Variants in CNIH3 observed in about 807,000 individuals in gnomAD.
CNIH3 encodes the protein protein cornichon homolog 3.
CNIH3 carries 14 observed loss-of-function variants against 24.1 expected under a neutral mutation model. The ratio of observed to expected loss-of-function variants is 0.58; its 90% CI spans 0.38 to 0.91. The LOEUF is 0.91. CNIH3 is among the 40% of genes least tolerant of loss of function. The probability of loss-of-function intolerance (pLI) is 0.00; values close to 1 mark genes in which losing one functional copy is unlikely to be tolerated. For missense variants in CNIH3, 178 were observed against 196.8 expected (o/e 0.90, Z 0.57); for synonymous variants, 68 against 73.8 (o/e 0.92, Z 0.40).
intron 1 of CNIH3, among the ~76,000 whole-genome samples, chr1:224,660,437 G>C (rs1685295192): frequency 6.6e-6 from 1 of 152,122 alleles, no homozygotes; most frequent in Non-Finnish European, 1.5e-5. Context: ...AACCGTGTCA[G>C]ATAACTTCTG....
intron 3 of CNIH3, among the ~76,000 whole-genome samples, chr1:224,728,789 A>G (rs1450873867): frequency 6.6e-6 from 1 of 152,230 alleles, no homozygotes; most frequent in Non-Finnish European, 1.5e-5. Flanking sequence ...TGCATATCTA[A>G]TGCCAGCCAG....
At chr1:224,626,549 T>C (rs1683535646) in intron 1 of CNIH3, among the ~76,000 whole-genome samples, 1 of 152,190 alleles carries the variant, frequency 6.6e-6, no homozygotes. Flanking sequence ...CCACCACCAT[T>C]TCTGTGTGCA....
At chr1:224,689,875 T>C (rs1686845869) in intron 3 of CNIH3, among the ~76,000 whole-genome samples, 1 of 152,194 alleles carries the variant, frequency 6.6e-6, no homozygotes, top group Non-Finnish European at 1.5e-5. Context: ...AAGAGCCAGT[T>C]GCCTCTTGAG....
At chr1:224,550,538 G>A (rs1679873230) in intron 3 of CNIH3, among the ~76,000 whole-genome samples, 1 of 152,178 alleles carries the variant, frequency 6.6e-6, no homozygotes, top group Admixed American at 6.5e-5. Context: ...ATATCACAGT[G>A]TGTAAACACA....
intron 1 of CNIH3, among the ~76,000 whole-genome samples, chr1:224,674,052 G>T (rs537107404): frequency 6.6e-6 from 1 of 152,290 alleles, no homozygotes; most frequent in East Asian, 1.9e-4. Context: ...GAGTTCTTAT[G>T]CAGATCAAGT....
chr1:224,611,542 G>C (rs1682699071), upstream of CNIH3: 1 of 152,180 alleles, frequency 6.6e-6, no homozygotes, highest in African/African-American at 2.4e-5. Flanking sequence ...TTAATGCGTT[G>C]ATTTCCTCCT....
At chr1:224,438,657 C>G (rs1445666419) in intron 1 of CNIH3, among the ~76,000 whole-genome samples, 1 of 152,114 alleles carries the variant, frequency 6.6e-6, no homozygotes, top group Admixed American at 6.5e-5. Flanking sequence ...CTTTGGAACA[C>G]TAAAATTGTC....
intron 1 of CNIH3, among the ~76,000 whole-genome samples, chr1:224,656,626 A>G (rs1248304824): frequency 6.6e-6 from 1 of 152,120 alleles, no homozygotes; most frequent in Non-Finnish European, 1.5e-5. Context: ...TACCCAATCT[A>G]TGCAGGCTAA....
chr1:224,676,956 C>T (rs4360496), intron 1 of CNIH3, among the ~76,000 whole-genome samples: 7,189 of 152,254 alleles, frequency 0.047, 237 homozygotes, highest in East Asian at 0.15. Context: ...TGAATGTCTT[C>T]CGACTCCTTA....
chr1:224,712,839 A>G (rs971544545), intron 3 of CNIH3, among the ~76,000 whole-genome samples: 1 of 152,180 alleles, frequency 6.6e-6, no homozygotes, highest in African/African-American at 2.4e-5. Flanking sequence ...CTCTCTGATG[A>G]TCAACTGGGT....
intron 3 of CNIH3, among the ~76,000 whole-genome samples, chr1:224,557,933 A>G (rs1321731029): frequency 6.6e-6 from 1 of 152,220 alleles, no homozygotes; most frequent in East Asian, 1.9e-4. Context: ...TCCCCATTTT[A>G]CAGATAAAGG....
At chr1:224,476,652 A>G (rs1234987141) in intron 1 of CNIH3, among the ~76,000 whole-genome samples, 1 of 152,196 alleles carries the variant, frequency 6.6e-6, no homozygotes, top group Admixed American at 6.5e-5. Context: ...GAAACTGAAG[A>G]AGACACCAAA....
intron 3 of CNIH3, among the ~76,000 whole-genome samples, chr1:224,713,397 T>TTCA (rs1479199689): frequency 6.6e-6 from 1 of 152,210 alleles, no homozygotes; most frequent in African/African-American, 2.4e-5. Context: ...GTGCACATGA[T>TTCA]GTGTGCAGGT....
intron 4 of CNIH3, among the ~76,000 whole-genome samples, chr1:224,582,812 A>G (rs1681334348): frequency 6.6e-6 from 1 of 152,206 alleles, no homozygotes; most frequent in Non-Finnish European, 1.5e-5. Context: ...CCATGTATCT[A>G]AATTGCTCTT....
At chr1:224,621,194 A>G (rs988461858) in intron 1 of CNIH3, among the ~76,000 whole-genome samples, 2 of 152,224 alleles carry the variant, frequency 1.3e-5, no homozygotes, top group Non-Finnish European at 2.9e-5. Context: ...TTGGATTCAC[A>G]GCAGCATTTG....
intron 2 of CNIH3, among the ~76,000 whole-genome samples, chr1:224,542,604 C>G (rs1453020565): frequency 2.0e-5 from 3 of 152,136 alleles, no homozygotes; most frequent in Non-Finnish European, 4.4e-5. Flanking sequence ...GTTAACTTAG[C>G]AGAAAATATT....
Position 224,734,610 on chromosome 1 carries a change from C to T in CNIH3, c.359C>T (p.Pro120Leu), listed in dbSNP as rs187848266. Residue 120 changes from proline to leucine, a missense_variant, in exon 5 of 6, where the codon CCG becomes CTG. Coordinates refer to ENST00000272133, the MANE Select transcript of CNIH3 (RefSeq NM_152495.2). Reference protein sequence around the residue: ...ADSSELAYDPPVVMNADTLSY... With the variant: ...ADSSELAYDPLVVMNADTLSY... ...AGCTCAGAACTAGCCTACGACCCAC[C>T]GGTGGTCATGAATGCCGACACTTTG... The T allele has an allele frequency of 3.7e-5, 60 of 1,614,012 alleles. No homozygotes were observed. In the Admixed American group the frequency reaches 3.8e-4, roughly 10 times the overall value.
chr1:224,462,496 G>C (rs567514610), intron 1 of CNIH3, among the ~76,000 whole-genome samples: 9 of 152,040 alleles, frequency 5.9e-5, no homozygotes, highest in African/African-American at 2.2e-4. Flanking sequence ...ACCACGCCTG[G>C]CTAATTTTTG....
At chr1:224,540,533 G>A (rs1266123989), downstream of CNIH3, among the ~76,000 whole-genome samples, 3 of 152,168 alleles carry the variant, frequency 2.0e-5, no homozygotes, top group African/African-American at 2.4e-5. Flanking sequence ...AAGTGAGATC[G>A]TGGTTCTAAA....
Sources: allele counts gnomAD v4.1 joint callset (sites outside exome capture counted in the v4.1 genomes callset), GRCh38; gene constraint gnomAD v4.1.1; transcripts MANE v1.5; gene names NCBI Gene and HGNC (gene_info 2026-07-23, HGNC 2026-07-21).